CACNA1H: variants seen among roughly 807,000 people sequenced by gnomAD.
CACNA1H encodes the protein calcium voltage-gated channel subunit alpha1 H.
CACNA1H carries 149 observed loss-of-function variants against 192.5 expected under a neutral mutation model. The observed-to-expected ratio is 0.77, with a 90% CI of 0.68 to 0.89. The LOEUF (loss-of-function observed/expected upper bound fraction) is 0.89. Ranked by LOEUF, CACNA1H falls within the 40% of genes least tolerant of loss-of-function variation. The probability of loss-of-function intolerance (pLI) is 0.00; values close to 1 mark genes in which losing one functional copy is unlikely to be tolerated. For missense variants in CACNA1H, 4,257 were observed against 3,423.5 expected (o/e 1.24, Z -6.08); for synonymous variants, 2,202 against 1,475.2 (o/e 1.49, Z -11.29).
rs61372944 is a variant in CACNA1H at position 1,215,558 on chromosome 16, G to A, written c.5209G>A (p.Ala1737Thr). The A allele has an allele frequency of 4.4e-5, 71 of 1,611,724 alleles. No homozygotes were observed. The highest frequency in any genetic ancestry group is 1.7e-4 in the Admixed American group (10 of 59,924). Residue 1737 changes from alanine to threonine, a missense_variant, in exon 30 of 35, where the codon GCC becomes ACC. Transcript: ENST00000348261. The part of the protein sequence containing the change: ...KLLKMATGMR[A>T]LLDTVVQALP... ...GCTGAAGATGGCTACGGGCATGCGC[G>A]CCCTGCTGGACACTGTGGTGCAAGC...
intron 2 of CACNA1H, chr16:1,157,592 C>T (rs77475061): frequency 0.04 from 6,059 of 152,390 alleles, 367 homozygotes; most frequent in African/African-American, 0.14. Flanking sequence ...CCCCGGGCTC[C>T]ACGTGCCCCG....
In CACNA1H at chr16:1,210,843, C is replaced by A. The variant is rs1231210228; in HGVS notation, c.4095C>A (p.Asn1365Lys). 1 of 1,604,970 alleles carries A rather than the reference C, an allele frequency of 6.2e-7. No individual in the cohort carries two copies. Among genetic ancestry groups the A allele is most frequent in the Non-Finnish European group, 8.5e-7 (1 of 1,179,742 alleles). ...GEHAYLQSSW[N>K]LLDGLLVLVS... is the part of the protein sequence containing the mutation. ...ACGCCTACCTGCAGAGCAGCTGGAA[C>A]CTGCTGGATGGGCTGCTGGTGCTGG... The change falls in exon 21 of 35, where the codon AAC becomes AAA. Residue 1365 changes from asparagine (N) to lysine (K), a missense_variant. Transcript: ENST00000348261.
In CACNA1H at chr16:1,154,144, G is replaced by A; in HGVS notation, c.299+108G>A. On this transcript the variant is annotated intron_variant, in intron 2 of 34. Coordinates refer to ENST00000348261, the MANE Select transcript of CACNA1H (RefSeq NM_021098.3). Reference sequence around the variant, plus strand: ...CGCCCCCGCGCGCCCCTGTTGGTGGGACCTGGCGTGGGCCGGGCGCGCGGG... The same window carrying A: ...CGCCCCCGCGCGCCCCTGTTGGTGGAACCTGGCGTGGGCCGGGCGCGCGGG... 4 of 900,308 alleles carry A rather than the reference G, an allele frequency of 4.4e-6. No homozygotes were observed. In the South Asian group the frequency reaches 1.2e-4, roughly 28 times the overall value. The allele number at this position is 900,308 out of a possible 1,614,324, so 55.8% of individuals were successfully genotyped here.
intron 17 of CACNA1H, 39 bp downstream of exon 17, chr16:1,209,451 C>T (rs748676272): frequency 1.2e-5 from 19 of 1,587,530 alleles, no homozygotes; most frequent in South Asian, 9.9e-5. Context: ...GACTCGCCTT[C>T]GTCTGTCTGG....
At chr16:1,162,252 ACT>A (rs1237150360) in intron 2 of CACNA1H, among the ~76,000 whole-genome samples, 2 of 151,660 alleles carry the variant, frequency 1.3e-5, no homozygotes, top group East Asian at 2.0e-4. Flanking sequence ...TACCTGTGGC[ACT>A]CTGTTACAGC....
intron 33 of CACNA1H, 132 bp from the exon 34 acceptor site, chr16:1,218,836 TGA>T: frequency 4.5e-6 from 5 of 1,122,104 alleles, no homozygotes; most frequent in South Asian, 1.5e-5. Context: ...TGTGGGCAGG[TGA>T]GAGAGAGGAC....
In CACNA1H at chr16:1,195,580, G is replaced by T. The variant is rs980602127; in HGVS notation, c.545+15G>T. Reference sequence around the variant, plus strand: ...GTCGTGGCGGGGTAGGCCCCGCCTGGGAGAGGCCACAGCGCTGGCGAAGGG... The same window carrying T: ...GTCGTGGCGGGGTAGGCCCCGCCTGTGAGAGGCCACAGCGCTGGCGAAGGG... On this transcript the variant is annotated intron_variant, in intron 4 of 34. Coordinates refer to ENST00000348261, the MANE Select transcript of CACNA1H (RefSeq NM_021098.3). 1.3e-6 allele frequency: 2 copies of T among 1,584,884 alleles called. No individual in the cohort carries two copies. Among genetic ancestry groups the T allele is most frequent in the Non-Finnish European group, 1.7e-6 (2 of 1,166,256 alleles).
chr16:1,219,489 T>C (rs1438048483), intron 34 of CACNA1H, among the ~76,000 whole-genome samples: 4 of 151,916 alleles, frequency 2.6e-5, no homozygotes, highest in African/African-American at 7.2e-5. Context: ...TCAGGCCCCA[T>C]GTGGGCATGG....
intron 4 of CACNA1H, among the ~76,000 whole-genome samples, 152 bp downstream of exon 4, chr16:1,195,717 C>T (rs892057896): frequency 2.6e-5 from 4 of 152,106 alleles, no homozygotes; most frequent in African/African-American, 9.7e-5. Flanking sequence ...TCCGGAGACC[C>T]TCCCTCCTGG....
chr16:1,217,890 C>A, intron 31 of CACNA1H, 29 bp from the exon 32 acceptor site: 1 of 1,575,558 alleles, frequency 6.3e-7, no homozygotes, highest in Non-Finnish European at 8.6e-7. Context: ...GCGGGCTCGG[C>A]TGACCGGGCG....
rs188722779 is a variant in CACNA1H at position 1,180,006 on chromosome 16, A to G, written c.300-14966A>G. ...TGCCTCGGCCTCCAAAAGTGCTGGG[A>G]TAACAGGCGTGAGCCACCATGCCCG... On this transcript the variant is annotated intron_variant, in intron 2 of 34. Coordinates refer to ENST00000348261, the MANE Select transcript of CACNA1H (RefSeq NM_021098.3). The surrounding 1 kb of genome is among the most constrained non-coding windows in gnomAD (Gnocchi z 4.4). Among the ~76,000 whole-genome samples the G allele has an allele frequency of 6.6e-6, 1 of 152,308 alleles. No homozygotes were observed. Among genetic ancestry groups the G allele is most frequent in the African/African-American group, 2.4e-5 (1 of 41,568 alleles).
intron 2 of CACNA1H, among the ~76,000 whole-genome samples, chr16:1,155,475 C>T (rs779395524): frequency 2.6e-5 from 4 of 152,162 alleles, no homozygotes; most frequent in African/African-American, 4.8e-5. Flanking sequence ...CCGGCGGTGC[C>T]AGCAGGCCAT....
At chr16:1,176,731 T>G (rs577256542) in intron 2 of CACNA1H, among the ~76,000 whole-genome samples, 1 of 152,226 alleles carries the variant, frequency 6.6e-6, no homozygotes, top group South Asian at 2.1e-4. Context: ...GGGATGCTCA[T>G]GAAGCTCAGT....
Position 1,220,657 on chromosome 16 carries a change from G to A in CACNA1H, c.6725G>A (p.Gly2242Glu). 1 of 1,606,086 alleles carries A rather than the reference G, an allele frequency of 6.2e-7. No homozygotes were observed. Among genetic ancestry groups the A allele is most frequent in the Non-Finnish European group, 8.5e-7 (1 of 1,176,654 alleles). ...CCCACAGAGGGCTCAGGCGCCGGGG[G>A]GGACCCTGCAGCCAAGGGGGAGCGC... Reference protein sequence around the residue: ...LEPTEGSGAGGDPAAKGERWG... With the variant: ...LEPTEGSGAGEDPAAKGERWG... The change falls in exon 35 of 35, where the codon GGG becomes GAG. Residue 2242 changes from glycine to glutamate, a missense_variant. Transcript: ENST00000348261.
In CACNA1H at chr16:1,202,061, C is replaced by T. The variant is rs1484625176; in HGVS notation, c.1611C>T (p.Arg537=). The change falls in exon 9 of 35, where the codon CGC becomes CGT. Residue 537 remains arginine, a synonymous_variant. Coordinates refer to ENST00000348261, the MANE Select transcript of CACNA1H (RefSeq NM_021098.3). ...HHYHFSHGSP[R]RPGPEPGACD... is the part of the protein sequence containing the mutation. The stretch of plus-strand genomic sequence containing the variant: ...ACCATTTCAGCCATGGCAGCCCCCG[C>T]AGGCCCGGCCCCGAGCCAGGCGCCT... 6.5e-7 allele frequency: 1 copy of T among 1,539,348 alleles called. No homozygotes were observed. Among genetic ancestry groups the T allele is most frequent in the Admixed American group, 2.0e-5 (1 of 50,856 alleles).
rs1291334132 is a variant in CACNA1H, at chr16:1,154,056, G to T, written c.299+20G>T. 3.5e-4 allele frequency: 324 copies of T among 938,722 alleles called. No individual in the cohort carries two copies. The highest frequency in any genetic ancestry group is 4.1e-4 in the East Asian group (8 of 19,402). The allele number at this position is 938,722 out of a possible 1,614,324, so 58.1% of individuals were successfully genotyped here. On this transcript the variant is annotated intron_variant, in intron 2 of 34. Coordinates refer to ENST00000348261, the MANE Select transcript of CACNA1H (RefSeq NM_021098.3). Reference sequence around the variant, plus strand: ...CAACCCATATCCTTCCCGGCCGGCGGGGGGCGGGGGGCGGGGGGCGTGGGG... The same window carrying T: ...CAACCCATATCCTTCCCGGCCGGCGTGGGGCGGGGGGCGGGGGGCGTGGGG...
intron 26 of CACNA1H, among the ~76,000 whole-genome samples, chr16:1,213,331 C>G (rs578124417): frequency 1.3e-5 from 2 of 152,328 alleles, no homozygotes; most frequent in South Asian, 2.1e-4. Context: ...TGAGGCCAGG[C>G]AAGGAGTAGA....
In CACNA1H at chr16:1,167,150, A is replaced by C. The variant is rs1596308992; in HGVS notation, c.299+13114A>C. Among the ~76,000 whole-genome samples the C allele has an allele frequency of 6.6e-6, 1 of 151,876 alleles. No homozygotes were observed. Among genetic ancestry groups the C allele is most frequent in the Middle Eastern group, 3.4e-3 (1 of 294 alleles). Reference sequence around the variant, plus strand: ...GACACGGCCCTTCCTTTCCTCGCCGACCCTTTGGGGCGTCTCCCATCGGGA... The same window carrying C: ...GACACGGCCCTTCCTTTCCTCGCCGCCCCTTTGGGGCGTCTCCCATCGGGA... On this transcript the variant is annotated intron_variant, in intron 2 of 34. Transcript: ENST00000348261. This position sits in a 1 kb window ranked among gnomAD's most constrained non-coding sequence, Gnocchi z 4.2.
chr16:1,164,536 C>T (rs1392369604), intron 2 of CACNA1H, among the ~76,000 whole-genome samples: 1 of 152,222 alleles, frequency 6.6e-6, no homozygotes, highest in African/African-American at 2.4e-5. Context: ...GAGATGGCTG[C>T]TAAGTGGCCA....
Sources: gnomAD v4.1 joint callset for allele counts (sites outside exome capture counted in the v4.1 genomes callset) on GRCh38, gnomAD v4.1.1 for gene constraint, Gnocchi (gnomAD v3.1) non-coding constraint, MANE v1.5 for transcripts, NCBI Gene and HGNC (gene_info 2026-07-23, HGNC 2026-07-21) for gene names.